BTBD2: variants seen among roughly 807,000 people sequenced by gnomAD.
The protein encoded by BTBD2 is BTB/POZ domain-containing protein 2.
A neutral mutation model predicts 44.0 loss-of-function variants in BTBD2; 15 were observed. The ratio of observed to expected loss-of-function variants is 0.34; its 90% CI spans 0.23 to 0.53. The LOEUF is 0.53. BTBD2 is among the 20% of genes least tolerant of loss of function. The probability of loss-of-function intolerance (pLI) is 0.95; values close to 1 mark genes in which losing one functional copy is unlikely to be tolerated. For synonymous variants in BTBD2, 443 were observed against 335.9 expected, an observed-to-expected ratio of 1.32 and a Z score of -3.49; for missense variants, 657 against 746.4, an observed-to-expected ratio of 0.88 and a Z score of 1.39.
chr19:1,993,933 G>T (rs958825981), intron 2 of BTBD2, among the ~76,000 whole-genome samples: 2 of 129,964 alleles, frequency 1.5e-5, no homozygotes, highest in African/African-American at 2.9e-5. Flanking sequence ...GGAGGCAGAT[G>T]TTGCAGTGAG....
intron 5 of BTBD2, 22 bp downstream of exon 5, chr19:1,989,982 C>T: frequency 6.2e-7 from 1 of 1,611,990 alleles, no homozygotes; most frequent in Non-Finnish European, 8.5e-7. Flanking sequence ...CCAAACCAGC[C>T]CCTGAGCCCG....
chr19:2,012,664 C>T (rs1241050276), intron 1 of BTBD2, among the ~76,000 whole-genome samples: 2 of 152,204 alleles, frequency 1.3e-5, no homozygotes, highest in Admixed American at 6.5e-5. Flanking sequence ...GTCCCAGGCC[C>T]GCCCACCTTA....
chr19:2,010,876 T>C (rs964986496), intron 1 of BTBD2, among the ~76,000 whole-genome samples: 1 of 152,158 alleles, frequency 6.6e-6, no homozygotes, highest in African/African-American at 2.4e-5. Context: ...TGACCTCAGA[T>C]GTCTGCCCAT....
intron 1 of BTBD2, among the ~76,000 whole-genome samples, chr19:2,000,785 ACAAC>A (rs547794064): frequency 6.9e-4 from 105 of 152,336 alleles, no homozygotes; most frequent in African/African-American, 2.4e-3. Context: ...AACGGGGGAA[ACAAC>A]CAGCGTCCAT....
intron 1 of BTBD2, among the ~76,000 whole-genome samples, chr19:1,998,073 ACACT>A (rs1032651211): frequency 4.5e-5 from 6 of 133,998 alleles, no homozygotes; most frequent in African/African-American, 8.4e-5. Context: ...CATTCATCGC[ACACT>A]CATTCACTCA....
At position 1,987,596 on chromosome 19, in the gene BTBD2, C is replaced by T. The variant is rs775195556; in HGVS notation, c.1085G>A (p.Arg362Gln). 33 of 1,612,608 alleles carry T rather than the reference C, an allele frequency of 2.0e-5. No individual in the cohort carries two copies. The Admixed American group carries it at 3.2e-4, about 15-fold the overall frequency. ...NPKPRVEFID[R>Q]PRCCLRGKEC... ...CTTCCCACGCAGGCAGCAGCGGGGC[C>T]GGTCAATGAACTCCACTCGTGGCTT... Residue 362 changes from arginine to glutamine, a missense_variant, in exon 6 of 9, where the codon CGG (arginine) becomes CAG (glutamine). Around this residue, in one of 3 missense-constraint regions of BTBD2, gnomAD observed 449 missense variants for 510.9 expected, o/e 0.88. Transcript: ENST00000255608.
At chr19:2,014,814 G>A (rs576526921) in intron 1 of BTBD2, among the ~76,000 whole-genome samples, 116 of 151,268 alleles carry the variant, frequency 7.7e-4, no homozygotes, top group African/African-American at 2.7e-3. Flanking sequence ...GGGGTCCCAG[G>A]GGTACAGGGC....
intron 2 of BTBD2, among the ~76,000 whole-genome samples, chr19:1,995,751 C>G (rs939173493): frequency 2.0e-5 from 3 of 151,752 alleles, no homozygotes; most frequent in Non-Finnish European, 2.9e-5. Flanking sequence ...ATTCTCCTGC[C>G]TCAGCCTCCC....
chr19:1,986,447 G>A lies in BTBD2; in HGVS notation c.*41C>T, dbSNP rs756067843. ...CAGCAGATGATGGCCTGGGGCTGCG[G>A]CTATCCCCACGGAGGGAGGGCGGTG... On this transcript the variant is annotated 3_prime_UTR_variant, in exon 9 of 9. Transcript: ENST00000255608. 1.9e-6 allele frequency: 3 copies of A among 1,605,874 alleles called. No individual in the cohort carries two copies. Among genetic ancestry groups the A allele is most frequent in the Non-Finnish European group, 2.6e-6 (3 of 1,174,012 alleles).
At chr19:2,004,118 T>C (rs1044123583) in intron 1 of BTBD2, among the ~76,000 whole-genome samples, 4 of 151,608 alleles carry the variant, frequency 2.6e-5, no homozygotes, top group Non-Finnish European at 5.9e-5. Flanking sequence ...CAGCTAAGAG[T>C]TTCCCCCCTT....
intron 2 of BTBD2, among the ~76,000 whole-genome samples, chr19:1,993,769 G>A (rs2016213432): frequency 6.6e-6 from 1 of 151,858 alleles, no homozygotes; most frequent in African/African-American, 2.4e-5. Context: ...GCTGAGGCGG[G>A]CAGATCGCCT....
At position 1,986,990 on chromosome 19, in the gene BTBD2, G is replaced by A. The variant is rs2016095168; in HGVS notation, c.1270-14C>T. 3 of 1,608,576 alleles carry A rather than the reference G, an allele frequency of 1.9e-6. No homozygotes were observed. In the South Asian group the frequency reaches 3.3e-5, roughly 18 times the overall value. ...GGTGTGAATAATCTGCGGGGAGGTG[G>A]GAAGTGGGAGGCTCAGGCCTGGGGA... On this transcript the variant is annotated splice_polypyrimidine_tract_variant and intron_variant, in intron 7 of 8. Coordinates refer to ENST00000255608, the MANE Select transcript of BTBD2 (RefSeq NM_017797.4).
intron 1 of BTBD2, among the ~76,000 whole-genome samples, chr19:1,999,631 A>T (rs1599355069): frequency 6.6e-6 from 1 of 150,944 alleles, no homozygotes; most frequent in South Asian, 2.1e-4. Flanking sequence ...GCGCCACTGC[A>T]CTCCAGCCTG....
At chr19:2,000,722 G>C (rs748228032) in intron 1 of BTBD2, among the ~76,000 whole-genome samples, 3 of 152,054 alleles carry the variant, frequency 2.0e-5, no homozygotes, top group Non-Finnish European at 4.4e-5. Flanking sequence ...AGAACACACG[G>C]CCACACAAAA....
intron 1 of BTBD2, among the ~76,000 whole-genome samples, chr19:2,004,219 TGG>T (rs1464446762): frequency 6.6e-6 from 1 of 151,878 alleles, no homozygotes; most frequent in East Asian, 1.9e-4. Context: ...CCACCCACCC[TGG>T]GAACATACCG....
chr19:1,986,410 G>T lies in BTBD2; in HGVS notation c.*78C>A, dbSNP rs1211234890. 20 of 1,566,240 alleles carry T rather than the reference G, an allele frequency of 1.3e-5. No homozygotes were observed. The highest frequency in any genetic ancestry group is 1.7e-5 in the Non-Finnish European group (19 of 1,145,246). On this transcript the variant is annotated 3_prime_UTR_variant, in exon 9 of 9. Coordinates refer to ENST00000255608, the MANE Select transcript of BTBD2 (RefSeq NM_017797.4). ...ACACTGGGCCTGGCACCGCGTGGTG[G>T]GGGGGCCCCAGCAGCAGATGATGGC...
At chr19:2,014,634 C>CG (rs1011008624) in intron 1 of BTBD2, 6 of 23,942 alleles carry the variant, frequency 2.5e-4, no homozygotes, top group African/African-American at 5.6e-4. Flanking sequence ...AGGGTGCAGG[C>CG]GGGGGGTGGA....
chr19:2,008,247 G>A (rs1186035343), intron 1 of BTBD2, among the ~76,000 whole-genome samples: 3 of 151,344 alleles, frequency 2.0e-5, no homozygotes, highest in East Asian at 1.9e-4. Context: ...CAGGTGATCC[G>A]CCTGCCTCAG....
In BTBD2 at chr19:2,015,544, C is replaced by CGGG. The variant is rs2016524315; in HGVS notation, c.159_160insCCC (p.Ala53_Ala54insPro). The CGGG allele has an allele frequency of 1.6e-4, 2 of 12,894 alleles. No individual in the cohort carries two copies. The highest frequency in any genetic ancestry group is 0.011 in the African/African-American group (2 of 186). 0.8% of individuals were successfully genotyped at this position (12,894 alleles called of 1,614,324 possible). ...GGGGCGGGCGGCGTCGGCCCAGGGG[C>CGGG]GGCGGCGGCGGCGGCGGCGGCGGCG... is the stretch of plus-strand genomic sequence containing the variant. On this transcript the variant is annotated inframe_insertion, in exon 1 of 9. Coordinates refer to ENST00000255608, the MANE Select transcript of BTBD2 (RefSeq NM_017797.4).
Sources: gnomAD v4.1 joint callset for allele counts (sites outside exome capture counted in the v4.1 genomes callset) on GRCh38, gnomAD v4.1.1 for gene constraint, gnomAD v4.1.1 regional missense constraint, MANE v1.5 for transcripts, NCBI Gene and HGNC (gene_info 2026-07-23, HGNC 2026-07-21) for gene names.